PREX1: variants seen among roughly 807,000 people sequenced by gnomAD.
PREX1 encodes the protein phosphatidylinositol 3,4,5-trisphosphate-dependent Rac exchanger 1 protein.
Under a neutral mutation model 198.3 loss-of-function variants are expected in PREX1, and 41 were observed. That is an observed-to-expected ratio of 0.21 (90% CI 0.16 to 0.27). The LOEUF (loss-of-function observed/expected upper bound fraction) is 0.27. Among genes scored for constraint, PREX1 ranks in the 10% least tolerant of loss-of-function variants. PREX1 has a pLI of 1.00. For missense variants in PREX1, 1,620 were observed against 2,200.7 expected (o/e 0.74, Z 5.28); for synonymous variants, 843 against 887.2 (o/e 0.95, Z 0.89).
intron 1 of PREX1, among the ~76,000 whole-genome samples, chr20:48,779,243 T>G (rs566607084): frequency 3.9e-5 from 6 of 152,218 alleles, no homozygotes; most frequent in African/African-American, 1.4e-4. Context: ...CATGAAAAGA[T>G]AGGCAGCATC....
the PREX1 span, among the ~76,000 whole-genome samples, chr20:48,869,998 C>G: frequency 6.6e-6 from 1 of 152,204 alleles, no homozygotes; most frequent in African/African-American, 2.4e-5. Context: ...TATCCCAGAA[C>G]TTAACGTAAA....
chr20:48,640,038 G>A (rs1408764984), intron 29 of PREX1, 144 bp from the exon 30 acceptor site: 11 of 1,145,688 alleles, frequency 9.6e-6, no homozygotes, highest in South Asian at 7.5e-5. Context: ...GGGCATTATC[G>A]GGTCCACAGA....
the PREX1 span, among the ~76,000 whole-genome samples, chr20:48,874,798 A>G: frequency 6.6e-6 from 1 of 151,436 alleles, no homozygotes; most frequent in Non-Finnish European, 1.5e-5. Context: ...GATCACTTGA[A>G]CCCAGGAGGT....
At chr20:48,630,821 G>T in intron 35 of PREX1, 27 bp from the exon 36 acceptor site, 1 of 1,516,692 alleles carries the variant, frequency 6.6e-7, no homozygotes, top group Non-Finnish European at 9.2e-7. Context: ...GGAATGAGGC[G>T]GGGGCCACCA....
At chr20:48,659,182 G>C (rs1404652016) in intron 16 of PREX1, among the ~76,000 whole-genome samples, 3 of 114,682 alleles carry the variant, frequency 2.6e-5, no homozygotes. Flanking sequence ...GGAGGGGAGA[G>C]AGGGGAATGG....
At chr20:48,775,570 T>C (rs1466435561) in intron 1 of PREX1, among the ~76,000 whole-genome samples, 2 of 152,130 alleles carry the variant, frequency 1.3e-5, no homozygotes, top group African/African-American at 2.4e-5. Context: ...GGGGGTGATA[T>C]GGTTTGGCTG....
intron 8 of PREX1, 107 bp downstream of exon 8, chr20:48,692,565 T>C: frequency 1.1e-6 from 1 of 901,166 alleles, no homozygotes. Context: ...TGTAGGTAGA[T>C]TACATCTCAT....
intron 32 of PREX1, among the ~76,000 whole-genome samples, chr20:48,636,145 C>A (rs781389497): frequency 2.0e-5 from 3 of 152,226 alleles, no homozygotes; most frequent in South Asian, 2.1e-4. Flanking sequence ...CATCTCCAGA[C>A]ATTACCAAGT....
In PREX1 at chr20:48,734,664, A is replaced by G; in HGVS notation, c.415-14T>C. On this transcript the variant is annotated splice_polypyrimidine_tract_variant and intron_variant, in intron 3 of 39. Transcript: ENST00000371941. ...GAACTTGTCCTTCTGCAAGACAAGGACAGAGCCTGTGGGAGGCAGGTCATG... is the reference window on the plus strand; with the variant it reads ...GAACTTGTCCTTCTGCAAGACAAGGGCAGAGCCTGTGGGAGGCAGGTCATG... 4.3e-6 allele frequency: 7 copies of G among 1,611,730 alleles called. No homozygotes were observed. Among genetic ancestry groups the G allele is most frequent in the Non-Finnish European group, 5.9e-6 (7 of 1,178,002 alleles).
the PREX1 span, among the ~76,000 whole-genome samples, chr20:48,841,016 T>C: frequency 1.3e-5 from 2 of 151,690 alleles, no homozygotes; most frequent in Admixed American, 6.6e-5. Context: ...CCCAGACTGG[T>C]CTCGAACTCC....
chr20:48,658,357 G>A (rs11699966), intron 16 of PREX1, 129 bp from the exon 17 acceptor site: 16,852 of 872,100 alleles, frequency 0.019, 207 homozygotes, highest in Non-Finnish European at 0.023. Context: ...CCAGGTGGGC[G>A]AGACAGAGCA....
At chr20:48,634,103 C>CGGATGGATGG (rs1568791772) in intron 33 of PREX1, among the ~76,000 whole-genome samples, 7 of 130,854 alleles carry the variant, frequency 5.3e-5, no homozygotes, top group South Asian at 2.6e-4. Context: ...TGGATGGATG[C>CGGATGGATGG]ATGGATGCCT....
intron 30 of PREX1, among the ~76,000 whole-genome samples, chr20:48,638,577 T>C (rs2089384106): frequency 1.3e-5 from 2 of 152,162 alleles, no homozygotes; most frequent in Admixed American, 1.3e-4. Context: ...GACTCAGGGC[T>C]GGGCAGGGTA....
chr20:48,678,301 C>T (rs528190065), intron 13 of PREX1, among the ~76,000 whole-genome samples: 105 of 145,808 alleles, frequency 7.2e-4, no homozygotes, highest in African/African-American at 2.7e-3. Context: ...CAGAACGAGG[C>T]TCTGTCTCAA....
intron 1 of PREX1, among the ~76,000 whole-genome samples, chr20:48,786,748 A>C (rs1221953749): frequency 6.6e-6 from 1 of 151,926 alleles, no homozygotes; most frequent in African/African-American, 2.4e-5. Flanking sequence ...CTGTCAAAAA[A>C]AAAAGAGAAA....
intron 6 of PREX1, among the ~76,000 whole-genome samples, chr20:48,703,277 T>C (rs2089884946): frequency 6.6e-6 from 1 of 152,222 alleles, no homozygotes; most frequent in Non-Finnish European, 1.5e-5. Flanking sequence ...GGGAAGCAGC[T>C]TCCTTGTGGT....
Position 48,630,793 on chromosome 20 carries a change from C to G in PREX1, c.4528G>C (p.Ala1510Pro). The part of the protein sequence containing the change: ...KVQQYYRKLR[A>P]FYLERSNLPT... ...AGGTTAGACCGCTCCAGGTAAAATG[C>G]CCTGCGAGAGAAAGATGGGAATGAG... Residue 1510 changes from alanine (A) to proline (P), a missense_variant and splice_region_variant, in exon 36 of 40, where the codon GCA (alanine) becomes CCA (proline). Physicochemically the swap from Ala to Pro is conservative, Grantham distance 27. This residue lies in a region of PREX1 where 476 missense variants were observed against 603.4 expected (regional missense o/e 0.79). Coordinates refer to ENST00000371941, the MANE Select transcript of PREX1 (RefSeq NM_020820.4). The G allele has an allele frequency of 1.3e-6, 2 of 1,575,528 alleles. No individual in the cohort carries two copies. Among genetic ancestry groups the G allele is most frequent in the Non-Finnish European group, 1.7e-6 (2 of 1,145,250 alleles).
At chr20:48,806,647 A>C (rs1172361675) in intron 1 of PREX1, among the ~76,000 whole-genome samples, 1 of 152,118 alleles carries the variant, frequency 6.6e-6, no homozygotes, top group Non-Finnish European at 1.5e-5. Flanking sequence ...CCCAGGTCAC[A>C]CTCCCAGTAA....
the PREX1 span, among the ~76,000 whole-genome samples, chr20:48,880,684 G>A: frequency 6.6e-6 from 1 of 152,096 alleles, no homozygotes; most frequent in Non-Finnish European, 1.5e-5. Flanking sequence ...AGCTACAAAG[G>A]AGGCTGAGAA....
Sources: allele counts gnomAD v4.1 joint callset (sites outside exome capture counted in the v4.1 genomes callset), GRCh38; gene constraint gnomAD v4.1.1; regional missense constraint gnomAD v4.1.1; transcripts MANE v1.5; gene names NCBI Gene and HGNC (gene_info 2026-07-23, HGNC 2026-07-21).